The following ZNF729 variants were observed in gnomAD, a reference collection of about 807,000 sequenced individuals.
The protein encoded by ZNF729 is zinc finger protein 729.
A neutral mutation model predicts 12.2 loss-of-function variants in ZNF729; 15 were observed. That is an observed-to-expected ratio of 1.23 (90% CI 0.82 to 1.89). The LOEUF is 1.89. Among genes scored for constraint, ZNF729 ranks in the 40% most tolerant of loss-of-function variants. The pLI is 0.00. For synonymous variants in ZNF729, 492 were observed against 476.3 expected (o/e 1.03, Z -0.43); for missense variants, 1,540 against 1,456.7 (o/e 1.06, Z -0.93).
chr19:22,293,159 A>T (rs1369100359), intron 1 of ZNF729, among the ~76,000 whole-genome samples: 2 of 152,090 alleles, frequency 1.3e-5, no homozygotes, highest in Non-Finnish European at 2.9e-5. Context: ...TCTTATTTTG[A>T]AAAACATTTG....
At chr19:22,300,493 G>A (rs1195878188) in intron 1 of ZNF729, among the ~76,000 whole-genome samples, 1 of 152,098 alleles carries the variant, frequency 6.6e-6, no homozygotes, top group Non-Finnish European at 1.5e-5. Flanking sequence ...ATAAATATAA[G>A]GTGCCACCCA....
At position 22,313,064 on chromosome 19, in the gene ZNF729, C is replaced by CTTTTTTTTTTTTT. The variant is rs148237802; in HGVS notation, c.254-597_254-596insTTTTTTTTTTTTT. Among the ~76,000 whole-genome samples the CTTTTTTTTTTTTT allele has an allele frequency of 5.8e-4, 86 of 147,320 alleles. 2 individuals are homozygous for CTTTTTTTTTTTTT. Among genetic ancestry groups the CTTTTTTTTTTTTT allele is most frequent in the African/African-American group, 2.1e-3 (83 of 39,730 alleles). On this transcript the variant is annotated intron_variant, in intron 3 of 3. Coordinates refer to ENST00000601693, the MANE Select transcript of ZNF729 (RefSeq NM_001242680.2). ...CAATAAACCAGGAGTTGGCAATTTC[C>CTTTTTTTTTTTTT]TTTTTTTTTTGAGACAGGGTCTCAC...
At chr19:22,294,238 T>A (rs1469919771) in intron 1 of ZNF729, among the ~76,000 whole-genome samples, 2 of 152,256 alleles carry the variant, frequency 1.3e-5, no homozygotes, top group African/African-American at 4.8e-5. Flanking sequence ...TCTTCCCACA[T>A]TCCTCTTGTT....
In ZNF729 at chr19:22,304,757, G is replaced by C; in HGVS notation, c.227G>C (p.Arg76Thr). 2 of 1,613,390 alleles carry C rather than the reference G, an allele frequency of 1.2e-6. No homozygotes were observed. The highest frequency in any genetic ancestry group is 1.7e-6 in the Non-Finnish European group (2 of 1,179,674). Residue 76 changes from arginine to threonine, a missense_variant, in exon 3 of 4, where the codon AGA (arginine) becomes ACA (threonine). Arg to Thr is a moderately conservative substitution (Grantham distance 71, BLOSUM62 -1). Coordinates refer to ENST00000601693, the MANE Select transcript of ZNF729 (RefSeq NM_001242680.2). ...KQGKEPWNMK[R>T]HEMVTKPPVM... Reference sequence around the variant, plus strand: ...GGGAAAGAGCCTTGGAATATGAAGAGACATGAGATGGTAACTAAACCCCCA... The same window carrying C: ...GGGAAAGAGCCTTGGAATATGAAGACACATGAGATGGTAACTAAACCCCCA...
intron 3 of ZNF729, among the ~76,000 whole-genome samples, chr19:22,308,439 T>C (rs912610462): frequency 2.0e-5 from 3 of 152,138 alleles, no homozygotes; most frequent in African/African-American, 4.8e-5. Flanking sequence ...TCTTTAGGAA[T>C]CTCCACACTG....
chr19:22,297,288 T>G (rs1057129447), intron 1 of ZNF729, among the ~76,000 whole-genome samples: 4 of 55,686 alleles, frequency 7.2e-5, no homozygotes, highest in African/African-American at 1.7e-4. Flanking sequence ...TTCTCTTCTG[T>G]TTTTTTTTTT....
chr19:22,298,593 A>G (rs889074203), intron 1 of ZNF729, among the ~76,000 whole-genome samples: 3 of 152,090 alleles, frequency 2.0e-5, no homozygotes, highest in African/African-American at 7.2e-5. Context: ...GGCTCACTAC[A>G]TCCTCCACCT....
chr19:22,314,936 A>G lies in ZNF729; in HGVS notation c.1519A>G (p.Lys507Glu), dbSNP rs1438069252. 3 of 1,612,630 alleles carry G rather than the reference A, an allele frequency of 1.9e-6. No homozygotes were observed. The highest frequency in any genetic ancestry group is 1.7e-6 in the Non-Finnish European group (2 of 1,179,780). ...FNHFSDLRRH[K>E]IIHTGKKPYK... is the part of the protein sequence containing the mutation. ...CCATTTCTCAGACCTTAGAAGACAT[A>G]AGATAATTCATACTGGAAAGAAACC... The change falls in exon 4 of 4, where the codon AAG becomes GAG. Residue 507 changes from lysine to glutamate, a missense_variant. Physicochemically the swap from Lys to Glu is moderately conservative, Grantham distance 56. Coordinates refer to ENST00000601693, the MANE Select transcript of ZNF729 (RefSeq NM_001242680.2).
chr19:22,314,056 T>TTAAATTTAAA lies in ZNF729; in HGVS notation c.639_640insTAAATTTAAA (p.Gly214Ter). 6.5e-7 allele frequency: 1 copy of TTAAATTTAAA among 1,543,068 alleles called. No individual in the cohort carries two copies. The highest frequency in any genetic ancestry group is 2.4e-5 in the East Asian group (1 of 40,914). ...AGAATATCTACAAATGTGAAGAACG[T>TTAAATTTAAA]GGCAAAGCCTTTAAATCGTTCTCAA... On this transcript the variant is annotated stop_gained and frameshift_variant, in exon 4 of 4. Transcript: ENST00000601693. LOFTEE classifies it low-confidence loss of function (END_TRUNC).
chr19:22,297,744 C>T (rs911283148), intron 1 of ZNF729, among the ~76,000 whole-genome samples: 1 of 151,796 alleles, frequency 6.6e-6, no homozygotes, highest in Non-Finnish European at 1.5e-5. Flanking sequence ...TGGCTCATGC[C>T]TATAATCCCA....
chr19:22,312,547 T>TGG (rs779998153), intron 3 of ZNF729, among the ~76,000 whole-genome samples: 60 of 151,984 alleles, frequency 3.9e-4, no homozygotes, highest in Non-Finnish European at 8.2e-4. Context: ...TTTGTGTGTG[T>TGG]GGTACTATAT....
chr19:22,297,560 T>G (rs1042237595), intron 1 of ZNF729, among the ~76,000 whole-genome samples: 3 of 152,056 alleles, frequency 2.0e-5, no homozygotes, highest in Non-Finnish European at 4.4e-5. Flanking sequence ...TAAATCATAT[T>G]AAAACAAAAT....
Position 22,316,723 on chromosome 19 carries a change from A to G in ZNF729, c.3306A>G (p.Lys1102=). The part of the protein sequence containing the change: ...RKHKVIHTGK[K]PYQCDECGKA... ...ATAAGGTAATTCATACTGGAAAGAA[A>G]CCCTACCAATGTGACGAATGTGGCA... Residue 1102 remains lysine, a synonymous_variant, in exon 4 of 4, where the codon AAA becomes AAG. Coordinates refer to ENST00000601693, the MANE Select transcript of ZNF729 (RefSeq NM_001242680.2). 1.9e-6 allele frequency: 3 copies of G among 1,612,702 alleles called. No homozygotes were observed. Among genetic ancestry groups the G allele is most frequent in the Non-Finnish European group, 2.5e-6 (3 of 1,179,690 alleles).
chr19:22,304,869 A>C, intron 3 of ZNF729, 86 bp downstream of exon 3: 1 of 1,379,288 alleles, frequency 7.3e-7, no homozygotes, highest in African/African-American at 1.5e-5. Context: ...TGACCTGAGA[A>C]GCTGTGCTCC....
intron 1 of ZNF729, among the ~76,000 whole-genome samples, chr19:22,294,403 G>A (rs1382371709): frequency 2.0e-5 from 3 of 152,048 alleles, no homozygotes; most frequent in African/African-American, 7.2e-5. Flanking sequence ...GTAATGTAAC[G>A]CCTCCAGCTT....
chr19:22,291,975 G>A lies in ZNF729; in HGVS notation c.30+5420G>A, dbSNP rs374846600. ...TCTCAAACTCCTGATCTCGTGATCC[G>A]CCCACCTCAGCCTCTCAAAGTGCTG... On this transcript the variant is annotated intron_variant, in intron 1 of 3. Transcript: ENST00000601693. Among the ~76,000 whole-genome samples, 326 of 152,198 alleles carry A rather than the reference G, an allele frequency of 2.1e-3. 2 individuals are homozygous for A. Among genetic ancestry groups the A allele is most frequent in the South Asian group, 0.015 (71 of 4,828 alleles).
chr19:22,315,863 G>T lies in ZNF729; in HGVS notation c.2446G>T (p.Val816Leu), dbSNP rs200877892. ...KWSSKLTVHK[V>L]IHTGEKPCKC... is the part of the protein sequence containing the mutation. The stretch of plus-strand genomic sequence containing the variant: ...GTCCTCAAAGCTTACTGTACATAAG[G>T]TAATTCATACTGGAGAGAAACCCTG... Residue 816 changes from valine (V) to leucine (L), a missense_variant, in exon 4 of 4, where the codon GTA becomes TTA. Coordinates refer to ENST00000601693, the MANE Select transcript of ZNF729 (RefSeq NM_001242680.2). 1,668 of 1,610,622 alleles carry T rather than the reference G, an allele frequency of 1.0e-3. 2 individuals carry two copies. Among genetic ancestry groups the T allele is most frequent in the Admixed American group, 1.3e-3 (79 of 59,930 alleles).
Position 22,315,915 on chromosome 19 carries a change from T to G in ZNF729, c.2498T>G (p.Phe833Cys). 1.2e-6 allele frequency: 2 copies of G among 1,610,898 alleles called. No homozygotes were observed. Among genetic ancestry groups the G allele is most frequent in the Non-Finnish European group, 1.7e-6 (2 of 1,179,628 alleles). ...PCKCEECGKA[F>C]KHFSALRKHK... The stretch of plus-strand genomic sequence containing the variant: ...AAATGTGAAGAATGTGGCAAAGCTT[T>G]TAAGCATTTCTCAGCCCTTAGAAAA... The change falls in exon 4 of 4, where the codon TTT becomes TGT. Residue 833 changes from phenylalanine (F) to cysteine (C), a missense_variant. Coordinates refer to ENST00000601693, the MANE Select transcript of ZNF729 (RefSeq NM_001242680.2).
chr19:22,307,185 G>A (rs1278572692), intron 3 of ZNF729, among the ~76,000 whole-genome samples: 2 of 151,528 alleles, frequency 1.3e-5, no homozygotes, highest in African/African-American at 2.4e-5. Context: ...CATTTCTCTT[G>A]TTATATATGC....
Sources: allele counts gnomAD v4.1 joint callset (sites outside exome capture counted in the v4.1 genomes callset), GRCh38; gene constraint gnomAD v4.1.1; transcripts MANE v1.5; gene names NCBI Gene and HGNC (gene_info 2026-07-23, HGNC 2026-07-21).